The following ROBO2 variants were observed in gnomAD, a reference collection of about 807,000 sequenced individuals.
ROBO2 encodes the protein roundabout guidance receptor 2, also known as roundabout homolog 2.
In ROBO2, 53 loss-of-function variants were observed where a neutral mutation model predicts 160.8. The observed-to-expected ratio is 0.33, with a 90% CI of 0.26 to 0.41. The LOEUF (loss-of-function observed/expected upper bound fraction) is 0.41, where lower values mean the gene tolerates loss of function less well. ROBO2 is among the 10% of genes least tolerant of loss of function. ROBO2 has a pLI of 1.00. For synonymous variants in ROBO2, 664 were observed against 611.7 expected, an observed-to-expected ratio of 1.09 and a Z score of -1.26; for missense variants, 1,577 against 1,722.4, an observed-to-expected ratio of 0.92 and a Z score of 1.49.
chr3:77,121,955 A>C (rs187257591), intron 2 of ROBO2, among the ~76,000 whole-genome samples: 10 of 152,090 alleles, frequency 6.6e-5, no homozygotes, highest in African/African-American at 2.4e-4. Context: ...ATGGCAGGGT[A>C]GATTTTTTTA....
At chr3:77,123,967 A>G (rs1048741698) in intron 2 of ROBO2, among the ~76,000 whole-genome samples, 1 of 150,206 alleles carries the variant, frequency 6.7e-6, no homozygotes, top group Non-Finnish European at 1.5e-5. Flanking sequence ...TATGTAGATA[A>G]TCTATCTATA....
intron 2 of ROBO2, among the ~76,000 whole-genome samples, chr3:76,830,745 G>A (rs189527218): frequency 2.0e-5 from 3 of 151,234 alleles, no homozygotes; most frequent in African/African-American, 7.3e-5. Flanking sequence ...GGGAGGCTGA[G>A]GCAGAAGAAT....
intron 6 of ROBO2, among the ~76,000 whole-genome samples, chr3:77,540,338 C>G (rs928804759): frequency 1.3e-5 from 2 of 152,070 alleles, no homozygotes; most frequent in Admixed American, 1.3e-4. Context: ...TTAGATATGA[C>G]AAATTTTTAG....
intron 2 of ROBO2, among the ~76,000 whole-genome samples, chr3:76,222,088 G>A (rs144015056): frequency 1.6e-4 from 24 of 152,270 alleles, no homozygotes; most frequent in Middle Eastern, 6.8e-3. Flanking sequence ...CAGCCTTGGT[G>A]AGTGGAAACC....
intron 15 of ROBO2, among the ~76,000 whole-genome samples, chr3:77,579,249 A>G (rs888609440): frequency 2.0e-5 from 3 of 152,160 alleles, no homozygotes; most frequent in African/African-American, 7.2e-5. Flanking sequence ...CCTACTTGAA[A>G]TAAAAGCCTG....
chr3:76,612,672 T>C (rs7617096), intron 2 of ROBO2, among the ~76,000 whole-genome samples: 13,842 of 152,118 alleles, frequency 0.091, 1,238 homozygotes, highest in African/African-American at 0.24. Flanking sequence ...TGTAAGAAAC[T>C]GGCATGTTCT....
chr3:76,896,140 A>G (rs543179431), intron 2 of ROBO2, among the ~76,000 whole-genome samples: 1 of 152,272 alleles, frequency 6.6e-6, no homozygotes, highest in South Asian at 2.1e-4. Flanking sequence ...TCACCCACAT[A>G]TGAGCCTCTT....
chr3:77,344,120 G>C (rs1234197119), intron 2 of ROBO2, among the ~76,000 whole-genome samples: 1 of 152,080 alleles, frequency 6.6e-6, no homozygotes, highest in Non-Finnish European at 1.5e-5. Flanking sequence ...ATGGGCTACC[G>C]TGAGCCTCCT....
chr3:77,640,640 G>A (rs1285888005), intron 24 of ROBO2, among the ~76,000 whole-genome samples: 2 of 152,158 alleles, frequency 1.3e-5, no homozygotes, highest in Non-Finnish European at 2.9e-5. Flanking sequence ...TTGTGTGCCT[G>A]AAAAGAGCTA....
At chr3:76,177,438 C>T (rs941081822) in intron 2 of ROBO2, among the ~76,000 whole-genome samples, 1 of 152,074 alleles carries the variant, frequency 6.6e-6, no homozygotes, top group Non-Finnish European at 1.5e-5. Flanking sequence ...AGTGTTGAAA[C>T]AGTATGGGGA....
At chr3:76,936,606 TA>T (rs1272873599) in intron 2 of ROBO2, among the ~76,000 whole-genome samples, 7 of 151,630 alleles carry the variant, frequency 4.6e-5, no homozygotes, top group Non-Finnish European at 1.0e-4. Context: ...CAATTACCAC[TA>T]ACATGTTAAC....
chr3:77,283,798 A>G (rs1156658939), intron 2 of ROBO2, among the ~76,000 whole-genome samples: 3 of 152,180 alleles, frequency 2.0e-5, no homozygotes, highest in Non-Finnish European at 1.5e-5. Flanking sequence ...TTCACTTGTC[A>G]TTTGATTCTG....
intron 2 of ROBO2, among the ~76,000 whole-genome samples, chr3:77,161,140 C>G (rs918419848): frequency 4.6e-5 from 7 of 152,212 alleles, no homozygotes; most frequent in Non-Finnish European, 8.8e-5. Context: ...TGGAGCATGA[C>G]TGCCTAGGGC....
intron 2 of ROBO2, among the ~76,000 whole-genome samples, chr3:76,230,797 T>C (rs1704576875): frequency 6.6e-6 from 1 of 152,160 alleles, no homozygotes; most frequent in African/African-American, 2.4e-5. Context: ...TATTTGGAAA[T>C]ACATTTTTTG....
At chr3:77,461,686 A>G (rs1171274241) in intron 2 of ROBO2, among the ~76,000 whole-genome samples, 2 of 151,642 alleles carry the variant, frequency 1.3e-5, no homozygotes, top group Non-Finnish European at 2.9e-5. Flanking sequence ...TATCATTATA[A>G]GTTTTTATTT....
chr3:76,204,788 C>T (rs1702720679), intron 2 of ROBO2, among the ~76,000 whole-genome samples: 1 of 152,070 alleles, frequency 6.6e-6, no homozygotes, highest in Non-Finnish European at 1.5e-5. Flanking sequence ...GCCAGAGAAT[C>T]ACATGTGGGT....
chr3:77,326,823 A>G (rs1488324325), intron 2 of ROBO2, among the ~76,000 whole-genome samples: 1 of 152,208 alleles, frequency 6.6e-6, no homozygotes, highest in East Asian at 1.9e-4. Context: ...TAATTCCTCC[A>G]AAGTCTCCCT....
At chr3:76,938,971 CAA>C (rs71629626) in intron 2 of ROBO2, among the ~76,000 whole-genome samples, 9 of 114,578 alleles carry the variant, frequency 7.9e-5, no homozygotes, top group African/African-American at 2.5e-4. Context: ...AACTCAGTCT[CAA>C]AAAAAAAAAA....
intron 2 of ROBO2, among the ~76,000 whole-genome samples, chr3:76,887,377 G>A (rs564477820): frequency 4.6e-5 from 7 of 151,914 alleles, no homozygotes; most frequent in African/African-American, 1.7e-4. Context: ...CTCCTAGTTA[G>A]TAAATAATGT....
Sources: gnomAD v4.1 joint callset for allele counts (sites outside exome capture counted in the v4.1 genomes callset) on GRCh38, gnomAD v4.1.1 for gene constraint, MANE v1.5 for transcripts, NCBI Gene and HGNC (gene_info 2026-07-23, HGNC 2026-07-21) for gene names.